The following HAVCR1 variants were observed in gnomAD, a reference collection of about 807,000 sequenced individuals.
HAVCR1 encodes hepatitis A virus cellular receptor 1, also known as T cell immunoglobin domain and mucin domain protein 1.
Under a neutral mutation model 32.0 loss-of-function variants are expected in HAVCR1, and 34 were observed. The ratio of observed to expected loss-of-function variants is 1.06; its 90% CI spans 0.81 to 1.42. HAVCR1 has a LOEUF of 1.42. Among genes scored for constraint, HAVCR1 ranks in the 40% most tolerant of loss-of-function variants. The probability of loss-of-function intolerance (pLI) is 0.00; values close to 1 mark genes in which losing one functional copy is unlikely to be tolerated. For synonymous variants in HAVCR1, 178 were observed against 170.3 expected, an observed-to-expected ratio of 1.05 and a Z score of -0.35; for missense variants, 420 against 442.3, an observed-to-expected ratio of 0.95 and a Z score of 0.45.
chr5:157,042,797 C>T (rs13173581), intron 5 of HAVCR1, 115 bp from the exon 6 acceptor site: 172,783 of 642,746 alleles, frequency 0.27, 24,173 homozygotes, highest in Admixed American at 0.38. Flanking sequence ...GATAATATGA[C>T]CAAATTCTGC....
At chr5:157,031,133 A>G (rs1398387478) in intron 8 of HAVCR1, among the ~76,000 whole-genome samples, 1 of 152,106 alleles carries the variant, frequency 6.6e-6, no homozygotes, top group Non-Finnish European at 1.5e-5. Context: ...CATGTCACTC[A>G]ACATTTCTGA....
At chr5:157,062,381 G>T (rs1043044640), upstream of HAVCR1, among the ~76,000 whole-genome samples, 4 of 152,124 alleles carry the variant, frequency 2.6e-5, no homozygotes, top group African/African-American at 9.7e-5. Context: ...TCAAAAAAAA[G>T]AAAGAATTCA....
In HAVCR1 at chr5:157,039,332, AT is replaced by A. The variant is rs796892566; in HGVS notation, c.838-1972del. ...TGTGTTATAACCAACATATTATAAC[AT>A]TCTATAACCTATGTCAGTAAATGCA... On this transcript the variant is annotated intron_variant, in intron 6 of 8. Transcript: ENST00000523175. 2.3e-4 allele frequency among the ~76,000 whole-genome samples: 35 copies of A among 152,282 alleles called. 1 individual carries two copies. The highest frequency in any genetic ancestry group is 7.9e-4 in the African/African-American group (33 of 41,552).
intron 5 of HAVCR1, among the ~76,000 whole-genome samples, chr5:157,048,771 A>G (rs1022842996): frequency 1.3e-5 from 2 of 152,114 alleles, no homozygotes; most frequent in Admixed American, 6.6e-5. Context: ...CGGAGCTTGC[A>G]GTGAGCCGAG....
chr5:157,042,561 T>C (rs113343878), intron 6 of HAVCR1, 66 bp downstream of exon 6: 8 of 951,046 alleles, frequency 8.4e-6, no homozygotes, highest in African/African-American at 6.6e-5. Context: ...AGTCTTTAAA[T>C]GTAACTTGCT....
chr5:157,033,572 G>A lies in HAVCR1; in HGVS notation c.953-685C>T, dbSNP rs986135572. Reference sequence around the variant, plus strand: ...CTCGATATCTCATCAATGGCAGGGCGGGGGCGGGGGCGGGTGGGGGTGGTG... The same window carrying A: ...CTCGATATCTCATCAATGGCAGGGCAGGGGCGGGGGCGGGTGGGGGTGGTG... On this transcript the variant is annotated intron_variant, in intron 7 of 8. Coordinates refer to ENST00000523175, the MANE Select transcript of HAVCR1 (RefSeq NM_001173393.3). Among the ~76,000 whole-genome samples the A allele has an allele frequency of 8.8e-4, 132 of 149,392 alleles. 1 individual carries two copies. Among genetic ancestry groups the A allele is most frequent in the African/African-American group, 3.0e-3 (124 of 40,694 alleles).
chr5:157,040,716 G>A (rs917775298), intron 6 of HAVCR1, among the ~76,000 whole-genome samples: 2 of 151,982 alleles, frequency 1.3e-5, no homozygotes, highest in East Asian at 1.9e-4. Flanking sequence ...CATGGCCAAC[G>A]TGGTGAAATT....
In HAVCR1 at chr5:157,049,099, C is replaced by T. The variant is rs1298410651; in HGVS notation, c.720G>A (p.Thr240=). ...SSPQPAETHP[T]TLQGAIRREP... ...CTCTCCTTATTGCTCCCTGCAGTGT[C>T]GTAGGGTGGGTTTCTGCTGGCTGAG... is the stretch of plus-strand genomic sequence containing the variant. Residue 240 remains threonine, a synonymous_variant, in exon 5 of 9, where the codon ACG becomes ACA. Coordinates refer to ENST00000523175, the MANE Select transcript of HAVCR1 (RefSeq NM_001173393.3). The T allele has an allele frequency of 1.9e-6, 3 of 1,612,972 alleles. No individual in the cohort carries two copies. The highest frequency in any genetic ancestry group is 1.1e-5 in the South Asian group (1 of 91,044).
the HAVCR1 span, among the ~76,000 whole-genome samples, chr5:157,065,849 C>T: frequency 1.2e-3 from 143 of 116,432 alleles, 1 homozygote; most frequent in African/African-American, 4.4e-3. Context: ...AGCAAGACTC[C>T]GTCTCAAAAA....
chr5:157,055,660 G>A (rs1017154655), intron 2 of HAVCR1, 127 bp from the exon 3 acceptor site: 16 of 567,022 alleles, frequency 2.8e-5, no homozygotes, highest in Non-Finnish European at 3.1e-6. Context: ...CAGGTCAGGA[G>A]TTCAAGACCA....
At chr5:157,057,389 A>AAGAAAGAAAGAAAGAAAGAAAGAAAGAG (rs1756237348) in intron 2 of HAVCR1, among the ~76,000 whole-genome samples, 2 of 3,890 alleles carry the variant, frequency 5.1e-4, no homozygotes, top group African/African-American at 1.9e-3. Context: ...AGAGAGAGGA[A>AAGAAAGAAAGAAAGAAAGAAAGAAAGAG]AGAAAGAAAG....
chr5:157,058,715 CT>C (rs1236981721), intron 1 of HAVCR1, among the ~76,000 whole-genome samples: 1 of 152,194 alleles, frequency 6.6e-6, no homozygotes, highest in African/African-American at 2.4e-5. Context: ...GGACGTGGAG[CT>C]TTTCCTACTC....
chr5:157,046,242 C>T (rs1296050137), intron 5 of HAVCR1, among the ~76,000 whole-genome samples: 1 of 152,150 alleles, frequency 6.6e-6, no homozygotes, highest in African/African-American at 2.4e-5. Flanking sequence ...GAGTCATACA[C>T]ACAAGGAGGC....
At chr5:157,055,155 A>C (rs762603893) in intron 3 of HAVCR1, 46 bp downstream of exon 3, 1 of 1,050,268 alleles carries the variant, frequency 9.5e-7, no homozygotes, top group East Asian at 2.4e-5. Context: ...TTACTACCGA[A>C]CAGAAAATTC....
In HAVCR1 at chr5:157,049,105, G is replaced by A. The variant is rs1187236012; in HGVS notation, c.714C>T (p.His238=). The A allele has an allele frequency of 3.1e-6, 5 of 1,613,096 alleles. No homozygotes were observed. The highest frequency in any genetic ancestry group is 4.2e-6 in the Non-Finnish European group (5 of 1,179,048). ...TTATTGCTCCCTGCAGTGTCGTAGG[G>A]TGGGTTTCTGCTGGCTGAGGTGAAG... The part of the protein sequence containing the change: ...SPSSPQPAET[H]PTTLQGAIRR... Residue 238 remains histidine (H), a synonymous_variant, in exon 5 of 9, where the codon CAC becomes CAT. Transcript: ENST00000523175.
At chr5:157,057,397 A>AAGAAAGAAAGAAAGAAAGAG (rs1561605989) in intron 2 of HAVCR1, among the ~76,000 whole-genome samples, 16 of 30,940 alleles carry the variant, frequency 5.2e-4, no homozygotes, top group African/African-American at 1.4e-3. Flanking sequence ...GAAAGAAAGA[A>AAGAAAGAAAGAAAGAAAGAG]AGAAAGAAAG....
upstream of HAVCR1, among the ~76,000 whole-genome samples, chr5:157,059,934 G>A (rs1194374849): frequency 1.3e-5 from 2 of 152,004 alleles, no homozygotes; most frequent in African/African-American, 4.8e-5. Context: ...GGCTATGATT[G>A]TGCCACTGCA....
intron 7 of HAVCR1, among the ~76,000 whole-genome samples, chr5:157,033,272 C>G (rs1322051818): frequency 6.6e-6 from 1 of 152,128 alleles, no homozygotes; most frequent in East Asian, 1.9e-4. Flanking sequence ...AGAGTCACCT[C>G]TATCAAAGGA....
intron 5 of HAVCR1, among the ~76,000 whole-genome samples, chr5:157,048,095 A>G (rs1490943293): frequency 6.6e-6 from 1 of 152,210 alleles, no homozygotes; most frequent in Non-Finnish European, 1.5e-5. Context: ...TTCCCTTAAT[A>G]GCGAGGACAC....
Sources: gnomAD v4.1 joint callset for allele counts (sites outside exome capture counted in the v4.1 genomes callset) on GRCh38, gnomAD v4.1.1 for gene constraint, MANE v1.5 for transcripts, NCBI Gene and HGNC (gene_info 2026-07-23, HGNC 2026-07-21) for gene names.